The following SLC17A1 variants were observed in gnomAD, a reference collection of about 807,000 sequenced individuals.
SLC17A1 encodes the protein sodium-dependent phosphate transport protein 1.
SLC17A1 carries 51 observed loss-of-function variants against 53.5 expected under a neutral mutation model. The ratio of observed to expected loss-of-function variants is 0.95; its 90% CI spans 0.76 to 1.20. The LOEUF is 1.20. Ranked by LOEUF, SLC17A1 falls within the 50% of genes most tolerant of loss-of-function variation. The pLI is 0.00. For missense variants in SLC17A1, 538 were observed against 568.2 expected (o/e 0.95, Z 0.54); for synonymous variants, 179 against 198.8 (o/e 0.90, Z 0.84).
At chr6:25,817,563 C>T (rs1473735086) in intron 6 of SLC17A1, among the ~76,000 whole-genome samples, 1 of 151,006 alleles carries the variant, frequency 6.6e-6, no homozygotes, top group Non-Finnish European at 1.5e-5. Context: ...TTCATGAAAC[C>T]ACCCATGATA....
chr6:25,741,980 A>T, the SLC17A1 span, among the ~76,000 whole-genome samples: 1 of 152,188 alleles, frequency 6.6e-6, no homozygotes, highest in Non-Finnish European at 1.5e-5. Context: ...TCAAACTTCA[A>T]ACAGAACCAG....
the SLC17A1 span, among the ~76,000 whole-genome samples, chr6:25,735,053 C>T: frequency 2.6e-5 from 4 of 152,170 alleles, no homozygotes; most frequent in Non-Finnish European, 4.4e-5. Flanking sequence ...TTCAGTAACT[C>T]GCTTATGTTC....
At chr6:25,826,018 ACC>A in intron 3 of SLC17A1, among the ~76,000 whole-genome samples, 1 of 152,030 alleles carries the variant, frequency 6.6e-6, no homozygotes, top group East Asian at 1.9e-4. Context: ...TACTGACATT[ACC>A]TATCTTGTTT....
At chr6:25,760,088 A>G in the SLC17A1 span, among the ~76,000 whole-genome samples, 1 of 152,196 alleles carries the variant, frequency 6.6e-6, no homozygotes, top group Admixed American at 6.5e-5. Context: ...ATTTCCCCAC[A>G]TTTTTGCCTA....
chr6:25,760,126 G>A, the SLC17A1 span, among the ~76,000 whole-genome samples: 1 of 152,146 alleles, frequency 6.6e-6, no homozygotes, highest in African/African-American at 2.4e-5. Context: ...TTTTTAAAAT[G>A]TTTATGAAAA....
intron 10 of SLC17A1, among the ~76,000 whole-genome samples, chr6:25,804,115 T>A (rs1046727179): frequency 6.6e-6 from 1 of 152,282 alleles, no homozygotes; most frequent in African/African-American, 2.4e-5. Context: ...AATGATTATA[T>A]CTGACTTATA....
At chr6:25,773,891 T>C in the SLC17A1 span, among the ~76,000 whole-genome samples, 1 of 152,302 alleles carries the variant, frequency 6.6e-6, no homozygotes, top group East Asian at 1.9e-4. Context: ...GGTTCTAGTT[T>C]GATTTTCATA....
chr6:25,806,800 C>T (rs1046564243), intron 10 of SLC17A1, among the ~76,000 whole-genome samples: 1 of 151,864 alleles, frequency 6.6e-6, no homozygotes, highest in African/African-American at 2.4e-5. Context: ...CTAATATCCA[C>T]AATCTACAAG....
the SLC17A1 span, among the ~76,000 whole-genome samples, chr6:25,768,776 C>T: frequency 5.3e-5 from 8 of 152,198 alleles, no homozygotes; most frequent in Non-Finnish European, 1.0e-4. Flanking sequence ...TCCACACATT[C>T]TTCAAGTCTC....
chr6:25,743,817 A>C, the SLC17A1 span, among the ~76,000 whole-genome samples: 1 of 152,250 alleles, frequency 6.6e-6, no homozygotes, highest in Non-Finnish European at 1.5e-5. Context: ...AATAAACCAC[A>C]TGCTTTCAGA....
chr6:25,775,351 T>G, the SLC17A1 span, among the ~76,000 whole-genome samples: 1 of 150,364 alleles, frequency 6.7e-6, no homozygotes, highest in Non-Finnish European at 1.5e-5. Context: ...ATAGAAAGAC[T>G]GAAAAATCTT....
intron 10 of SLC17A1, among the ~76,000 whole-genome samples, chr6:25,807,214 AACAG>A (rs900323561): frequency 1.0e-3 from 155 of 152,054 alleles, no homozygotes; most frequent in African/African-American, 3.4e-3. Context: ...TGTAAAAACA[AACAG>A]ACAAAACACC....
At chr6:25,746,135 TC>T in the SLC17A1 span, among the ~76,000 whole-genome samples, 6 of 152,204 alleles carry the variant, frequency 3.9e-5, no homozygotes, top group African/African-American at 1.2e-4. Context: ...CAAAAATGCA[TC>T]ATGTCTTATC....
chr6:25,785,016 A>T (rs983676271), intron 12 of SLC17A1, among the ~76,000 whole-genome samples: 2 of 152,176 alleles, frequency 1.3e-5, no homozygotes, highest in Non-Finnish European at 2.9e-5. Flanking sequence ...AATCCTAGGA[A>T]ATCTACTAAA....
rs79344067 is a variant in SLC17A1, at chr6:25,809,883, A to G, written c.1178+1515T>C. The stretch of plus-strand genomic sequence containing the variant: ...TCAAAATATACTTCAAAGTTTTAAT[A>G]ATAAAAATAACATGATACTAGAATG... On this transcript the variant is annotated intron_variant, in intron 10 of 12. Transcript: ENST00000244527. Among the ~76,000 whole-genome samples, 575 of 152,252 alleles carry G rather than the reference A, an allele frequency of 3.8e-3. 2 individuals are homozygous for G. Among genetic ancestry groups the G allele is most frequent in the African/African-American group, 0.012 (495 of 41,572 alleles).
In SLC17A1 at chr6:25,802,935, C is replaced by CTTTTTTTTTTTTTTTTTTTTTTTT. The variant is rs34669145; in HGVS notation, c.1179-1979_1179-1956dup. 8.7e-5 allele frequency among the ~76,000 whole-genome samples: 4 copies of CTTTTTTTTTTTTTTTTTTTTTTTT among 46,062 alleles called. 1 individual carries two copies. The highest frequency in any genetic ancestry group is 3.6e-4 in the African/African-American group (4 of 11,086). 30.2% of individuals were successfully genotyped at this position (46,062 alleles called of 152,430 possible). A position where few individuals can be genotyped will look rare whatever the true frequency, so the allele number is the denominator to read the frequency against. On this transcript the variant is annotated intron_variant, in intron 10 of 12. Transcript: ENST00000244527. Reference sequence around the variant, plus strand: ...ATGACGTTTTAACGACTATCTTCTTCTTTTTTTTTTTTTTTTTTTTTTTTT... The same window carrying CTTTTTTTTTTTTTTTTTTTTTTTT: ...ATGACGTTTTAACGACTATCTTCTTCTTTTTTTTTTTTTTTTTTTTTTTTTTTTTTTTTTTTTTTTTTTTTTTTT...
At chr6:25,768,288 C>A in the SLC17A1 span, 1 of 782,024 alleles carries the variant, frequency 1.3e-6, no homozygotes, top group Non-Finnish European at 1.6e-6. Context: ...AAGAAAATGG[C>A]ATCTTCATAC....
chr6:25,808,055 G>C (rs901155439), intron 10 of SLC17A1, among the ~76,000 whole-genome samples: 1 of 152,066 alleles, frequency 6.6e-6, no homozygotes, highest in South Asian at 2.1e-4. Flanking sequence ...GTCTTCCATA[G>C]TGGTTGTACT....
chr6:25,821,117 T>A (rs1456835146), intron 3 of SLC17A1, among the ~76,000 whole-genome samples: 1 of 152,152 alleles, frequency 6.6e-6, no homozygotes, highest in Non-Finnish European at 1.5e-5. Flanking sequence ...AGGAACATAT[T>A]AAATAACGAA....
Sources: allele counts gnomAD v4.1 joint callset (sites outside exome capture counted in the v4.1 genomes callset), GRCh38; gene constraint gnomAD v4.1.1; transcripts MANE v1.5; gene names NCBI Gene and HGNC (gene_info 2026-07-23, HGNC 2026-07-21).